The following IL22RA2 variants were observed in gnomAD, a reference collection of about 807,000 sequenced individuals.
The protein encoded by IL22RA2 is interleukin-22 receptor subunit alpha-2.
In IL22RA2, 39 loss-of-function variants were observed where a neutral mutation model predicts 30.7. The ratio of observed to expected loss-of-function variants is 1.27; its 90% CI spans 0.98 to 1.66. IL22RA2 has a LOEUF of 1.66. Ranked by LOEUF, IL22RA2 falls within the 40% of genes most tolerant of loss-of-function variation. IL22RA2 has a pLI of 0.00. For missense variants in IL22RA2, 315 were observed against 312.7 expected (o/e 1.01, Z -0.05); for synonymous variants, 103 against 105.0 (o/e 0.98, Z 0.11).
Position 137,161,713 on chromosome 6 carries a change from T to G in IL22RA2, c.37A>C (p.Ser13Arg), listed in dbSNP as rs749300317. Residue 13 changes from serine (S) to arginine (R), a missense_variant, in exon 2 of 7, where the codon AGT (serine) becomes CGT (arginine). Transcript: ENST00000296980. ...CCTGCTACACCAGTAAGGAAGAAAC[T>G]GATGAGGAAGCCTAGAAAGCAATGT... ...PKHCFLGFLISFFLTGVAGTQ... is the reference protein window; with the variant it reads ...PKHCFLGFLIRFFLTGVAGTQ... 6.2e-7 allele frequency: 1 copy of G among 1,613,572 alleles called. No homozygotes were observed. Among genetic ancestry groups the G allele is most frequent in the African/African-American group, 1.3e-5 (1 of 74,888 alleles).
chr6:137,155,723 A>G lies in IL22RA2; in HGVS notation c.294-604T>C, dbSNP rs373741155. ...TCCAACACATGAACTTTTGGGGGAC[A>G]CATAGAAACCACAGCATTACCTAAA... On this transcript the variant is annotated intron_variant, in intron 4 of 6. Coordinates refer to ENST00000296980, the MANE Select transcript of IL22RA2 (RefSeq NM_052962.3). Among the ~76,000 whole-genome samples, 185 of 152,264 alleles carry G rather than the reference A, an allele frequency of 1.2e-3. 6 individuals are homozygous for G. In the South Asian group the frequency reaches 0.02, roughly 17 times the overall value.
intron 2 of IL22RA2, 70 bp downstream of exon 2, chr6:137,161,619 T>C (rs943663484): frequency 2.2e-6 from 3 of 1,340,474 alleles, no homozygotes; most frequent in African/African-American, 2.9e-5. Flanking sequence ...ACCAGTGCCA[T>C]TTCCAACAGA....
chr6:137,158,582 G>A, intron 2 of IL22RA2, 100 bp from the exon 3 acceptor site: 1 of 1,268,490 alleles, frequency 7.9e-7, no homozygotes. Context: ...ATTCCCTAAA[G>A]TAGTTGCTCT....
rs189150070 is a variant in IL22RA2, at chr6:137,158,575, C to T, written c.62-93G>A. ...TCAGTGGAATACCTGCATCAGGATT[C>T]CCTAAAGTAGTTGCTCTAAGTGCAG... On this transcript the variant is annotated intron_variant, in intron 2 of 6. Transcript: ENST00000296980. 12 of 1,351,944 alleles carry T rather than the reference C, an allele frequency of 8.9e-6. No individual in the cohort carries two copies. The East Asian group carries it at 2.8e-4, about 31-fold the overall frequency. 83.7% of individuals were successfully genotyped at this position (1,351,944 alleles called of 1,614,324 possible).
chr6:137,159,236 A>C (rs143083978), intron 2 of IL22RA2, among the ~76,000 whole-genome samples: 19 of 152,310 alleles, frequency 1.2e-4, no homozygotes, highest in African/African-American at 4.6e-4. Context: ...AGTTGCATGG[A>C]GGCAAGAGAA....
intron 3 of IL22RA2, 31 bp downstream of exon 3, chr6:137,158,316 C>T (rs764997279): frequency 3.7e-6 from 6 of 1,612,676 alleles, no homozygotes; most frequent in Admixed American, 1.7e-5. Flanking sequence ...AGTGCCATCT[C>T]TATCAGCTGA....
intron 2 of IL22RA2, among the ~76,000 whole-genome samples, chr6:137,160,728 A>G (rs1437808736): frequency 6.6e-6 from 1 of 152,214 alleles, no homozygotes; most frequent in African/African-American, 2.4e-5. Context: ...TTATTATCGC[A>G]TTCTACAGAT....
rs2081406622 is a variant in IL22RA2 at position 137,145,444 on chromosome 6, T to C, written c.*180A>G. 1.9e-6 allele frequency: 1 copy of C among 524,174 alleles called. No homozygotes were observed. Among genetic ancestry groups the C allele is most frequent in the Admixed American group, 4.2e-5 (1 of 23,800 alleles). The allele number at this position is 524,174 out of a possible 1,614,324, so 32.5% of individuals were successfully genotyped here. On this transcript the variant is annotated 3_prime_UTR_variant, in exon 7 of 7. Transcript: ENST00000296980. ...CGGGGGGAATGTCGTTCAAATATAG[T>C]TTACAAATGAAATATAAAGGATAAA...
intron 1 of IL22RA2, among the ~76,000 whole-genome samples, chr6:137,163,493 G>A (rs1778566071): frequency 6.6e-6 from 1 of 152,158 alleles, no homozygotes; most frequent in African/African-American, 2.4e-5. Context: ...CCCAGAAGGA[G>A]AACAGCCCTT....
chr6:137,151,134 T>C (rs1187988863), intron 5 of IL22RA2, among the ~76,000 whole-genome samples: 1 of 152,040 alleles, frequency 6.6e-6, no homozygotes, highest in Non-Finnish European at 1.5e-5. Context: ...AAAAGATGAA[T>C]AAAGAGGAGG....
intron 5 of IL22RA2, among the ~76,000 whole-genome samples, chr6:137,151,806 C>A (rs995957482): frequency 1.3e-5 from 2 of 152,148 alleles, no homozygotes; most frequent in African/African-American, 4.8e-5. Flanking sequence ...AGAAGCTCAA[C>A]ATCATTAATT....
At chr6:137,155,915 G>C (rs1377827197) in intron 4 of IL22RA2, among the ~76,000 whole-genome samples, 1 of 152,160 alleles carries the variant, frequency 6.6e-6, no homozygotes, top group Non-Finnish European at 1.5e-5. Context: ...GGTTTTGGCT[G>C]TTTGTGGTTT....
In IL22RA2 at chr6:137,163,336, C is replaced by T. The variant is rs375117054; in HGVS notation, c.-65-1522G>A. 6.1e-4 allele frequency among the ~76,000 whole-genome samples: 93 copies of T among 152,258 alleles called. 2 individuals carry two copies. The South Asian group carries it at 0.018, about 29-fold the overall frequency. The stretch of plus-strand genomic sequence containing the variant: ...TTAGTAAACTCTCCTGAACCTTTTT[C>T]GGTCTCTCCAATCTTTGGTTGTCCC... On this transcript the variant is annotated intron_variant, in intron 1 of 6. Coordinates refer to ENST00000296980, the MANE Select transcript of IL22RA2 (RefSeq NM_052962.3).
In IL22RA2 at chr6:137,161,693, T is replaced by C; in HGVS notation, c.57A>G (p.Val19=). ...AAAAAGAAACAAAGCACTTACCTGC[T>C]ACACCAGTAAGGAAGAAACTGATGA... The part of the protein sequence containing the change: ...GFLISFFLTG[V]AGTQSTHESL... Residue 19 remains valine, a synonymous_variant, in exon 2 of 7, where the codon GTA becomes GTG. Coordinates refer to ENST00000296980, the MANE Select transcript of IL22RA2 (RefSeq NM_052962.3). The C allele has an allele frequency of 1.9e-6, 3 of 1,612,520 alleles. No individual in the cohort carries two copies. The highest frequency in any genetic ancestry group is 3.3e-4 in the Middle Eastern group (2 of 6,060).
At chr6:137,159,947 A>G (rs1313778643) in intron 2 of IL22RA2, among the ~76,000 whole-genome samples, 1 of 152,228 alleles carries the variant, frequency 6.6e-6, no homozygotes, top group East Asian at 1.9e-4. Context: ...CTTTCTTCTT[A>G]CCAACCAAAT....
chr6:137,146,245 A>G (rs1022285410), intron 6 of IL22RA2, among the ~76,000 whole-genome samples: 4 of 152,068 alleles, frequency 2.6e-5, no homozygotes, highest in Admixed American at 2.0e-4. Context: ...TTGACCAGGC[A>G]GGTCTTGAAC....
At chr6:137,164,228 A>G (rs961731611) in intron 1 of IL22RA2, among the ~76,000 whole-genome samples, 1 of 152,216 alleles carries the variant, frequency 6.6e-6, no homozygotes, top group Non-Finnish European at 1.5e-5. Flanking sequence ...TAAAATAGCC[A>G]TCTTTTAATG....
At chr6:137,162,630 T>C (rs947249029) in intron 1 of IL22RA2, among the ~76,000 whole-genome samples, 1 of 152,230 alleles carries the variant, frequency 6.6e-6, no homozygotes, top group South Asian at 2.1e-4. Flanking sequence ...TCTTACCATT[T>C]TTTTTTACTA....
At chr6:137,159,222 C>T (rs932736452) in intron 2 of IL22RA2, among the ~76,000 whole-genome samples, 17 of 152,142 alleles carry the variant, frequency 1.1e-4, no homozygotes, top group Admixed American at 1.1e-3. Context: ...CCTTGCTTGC[C>T]TTTAGTTGCA....
Sources: gnomAD v4.1 joint callset for allele counts (sites outside exome capture counted in the v4.1 genomes callset) on GRCh38, gnomAD v4.1.1 for gene constraint, MANE v1.5 for transcripts, NCBI Gene and HGNC (gene_info 2026-07-23, HGNC 2026-07-21) for gene names.